Variants in FSTL4 observed in about 807,000 individuals in gnomAD.
The protein encoded by FSTL4 is follistatin like 4.
A neutral mutation model predicts 78.2 loss-of-function variants in FSTL4; 28 were observed. That is an observed-to-expected ratio of 0.36 (90% CI 0.27 to 0.49). The LOEUF is 0.49. FSTL4 is among the 20% of genes least tolerant of loss of function. FSTL4 has a pLI of 0.98. For synonymous variants in FSTL4, 422 were observed against 440.5 expected, an observed-to-expected ratio of 0.96 and a Z score of 0.53; for missense variants, 922 against 1,084.9, an observed-to-expected ratio of 0.85 and a Z score of 2.11.
chr5:133,419,740 A>G (rs1409393960), intron 3 of FSTL4, among the ~76,000 whole-genome samples: 1 of 152,232 alleles, frequency 6.6e-6, no homozygotes, highest in Non-Finnish European at 1.5e-5. Flanking sequence ...GTTCTCCCAG[A>G]TCCTTGCCAA....
intron 8 of FSTL4, among the ~76,000 whole-genome samples, chr5:133,227,356 T>G (rs1473711084): frequency 6.6e-6 from 1 of 152,168 alleles, no homozygotes; most frequent in Non-Finnish European, 1.5e-5. Context: ...AACATAAATG[T>G]GTAGCTCTCT....
the FSTL4 span, among the ~76,000 whole-genome samples, chr5:133,667,541 C>A: frequency 6.1e-3 from 928 of 152,302 alleles, 6 homozygotes; most frequent in Non-Finnish European, 0.011. Context: ...TCTTTCCTGA[C>A]TCACTCAGCT....
chr5:133,231,663 C>T (rs1053867500), intron 8 of FSTL4, among the ~76,000 whole-genome samples: 3 of 152,180 alleles, frequency 2.0e-5, no homozygotes, highest in Non-Finnish European at 4.4e-5. Flanking sequence ...ATGCCTCAGC[C>T]TCCCAAGTAG....
intron 3 of FSTL4, among the ~76,000 whole-genome samples, chr5:133,424,783 G>C (rs978929297): frequency 6.6e-6 from 1 of 152,206 alleles, no homozygotes; most frequent in African/African-American, 2.4e-5. Flanking sequence ...TAACGATCTT[G>C]AGATCTTGAG....
At chr5:133,390,539 G>C (rs114478932) in intron 4 of FSTL4, among the ~76,000 whole-genome samples, 4 of 152,234 alleles carry the variant, frequency 2.6e-5, no homozygotes, top group African/African-American at 9.6e-5. Context: ...GGTGGTTCCC[G>C]GAGACCCAGG....
intron 3 of FSTL4, among the ~76,000 whole-genome samples, chr5:133,433,715 G>A (rs1472093434): frequency 6.6e-6 from 1 of 152,198 alleles, no homozygotes; most frequent in East Asian, 1.9e-4. Context: ...AACTCTGGGT[G>A]ATCAGGAGGC....
intron 3 of FSTL4, among the ~76,000 whole-genome samples, chr5:133,524,024 C>G (rs774557282): frequency 3.9e-5 from 6 of 152,216 alleles, no homozygotes; most frequent in Non-Finnish European, 7.3e-5. Flanking sequence ...GGGAAGTTAA[C>G]ATCTGGGAGA....
chr5:133,712,717 C>T, the FSTL4 span, among the ~76,000 whole-genome samples: 5 of 152,306 alleles, frequency 3.3e-5, no homozygotes, highest in Admixed American at 2.6e-4. Flanking sequence ...GTGGATTTGT[C>T]CTGGAGACCT....
intron 4 of FSTL4, among the ~76,000 whole-genome samples, chr5:133,329,380 G>T (rs1173088099): frequency 6.6e-6 from 1 of 151,888 alleles, no homozygotes; most frequent in Non-Finnish European, 1.5e-5. Flanking sequence ...TAGAGGGCCA[G>T]AACTCAAAAG....
the FSTL4 span, among the ~76,000 whole-genome samples, chr5:133,779,160 A>C: frequency 6.6e-6 from 1 of 152,150 alleles, no homozygotes; most frequent in South Asian, 2.1e-4. Context: ...AACAAATCCC[A>C]ATCCCATCTC....
intron 10 of FSTL4, among the ~76,000 whole-genome samples, chr5:133,224,813 G>A (rs1460613793): frequency 6.6e-6 from 1 of 152,196 alleles, no homozygotes; most frequent in South Asian, 2.1e-4. Flanking sequence ...GGGCCACTGT[G>A]GGACATCACG....
chr5:133,618,816 G>A, the FSTL4 span, among the ~76,000 whole-genome samples: 1 of 152,170 alleles, frequency 6.6e-6, no homozygotes, highest in Admixed American at 6.5e-5. Flanking sequence ...TGTGTATATG[G>A]CAGCTATCAC....
the FSTL4 span, among the ~76,000 whole-genome samples, chr5:133,628,608 C>T: frequency 1.3e-5 from 2 of 152,232 alleles, no homozygotes; most frequent in African/African-American, 4.8e-5. Context: ...GATCCACCCA[C>T]CTCGGCCTCC....
chr5:133,431,015 C>T (rs1756925394), intron 3 of FSTL4, among the ~76,000 whole-genome samples: 1 of 152,176 alleles, frequency 6.6e-6, no homozygotes, highest in South Asian at 2.1e-4. Context: ...ATGGAAAAAA[C>T]AGCACATACA....
chr5:133,530,058 T>A (rs559277869), intron 3 of FSTL4, among the ~76,000 whole-genome samples: 3 of 152,310 alleles, frequency 2.0e-5, no homozygotes, highest in Admixed American at 1.3e-4. Context: ...CTTTCCTGCC[T>A]CCAAATTCAG....
the FSTL4 span, among the ~76,000 whole-genome samples, chr5:133,651,326 A>C: frequency 6.6e-6 from 1 of 152,198 alleles, no homozygotes; most frequent in Non-Finnish European, 1.5e-5. Flanking sequence ...TCTTAGAAGG[A>C]AAGTTTCAAG....
chr5:133,722,619 G>A, the FSTL4 span, among the ~76,000 whole-genome samples: 1 of 152,160 alleles, frequency 6.6e-6, no homozygotes, highest in Non-Finnish European at 1.5e-5. Context: ...GGGTCAGTTA[G>A]CAGAGAATTA....
At chr5:133,302,444 A>T (rs1323824807) in intron 6 of FSTL4, among the ~76,000 whole-genome samples, 2 of 152,148 alleles carry the variant, frequency 1.3e-5, no homozygotes, top group East Asian at 3.9e-4. Flanking sequence ...GGGTACAAAC[A>T]CTTTACTGCA....
intron 3 of FSTL4, among the ~76,000 whole-genome samples, chr5:133,531,496 C>T (rs1173709022): frequency 6.6e-6 from 1 of 152,182 alleles, no homozygotes; most frequent in Non-Finnish European, 1.5e-5. Context: ...GTGTGGATCC[C>T]TCCACACTGG....
Sources: gnomAD v4.1 joint callset for allele counts (sites outside exome capture counted in the v4.1 genomes callset) on GRCh38, gnomAD v4.1.1 for gene constraint, MANE v1.5 for transcripts, NCBI Gene and HGNC (gene_info 2026-07-23, HGNC 2026-07-21) for gene names.